The following APAF1 variants were observed in gnomAD, a reference collection of about 807,000 sequenced individuals.
APAF1 encodes the protein apoptotic protease-activating factor 1.
Under a neutral mutation model 152.4 loss-of-function variants are expected in APAF1, and 91 were observed. That is an observed-to-expected ratio of 0.60 (90% CI 0.50 to 0.71). APAF1 has a LOEUF of 0.71. Ranked by LOEUF, APAF1 falls within the 30% of genes least tolerant of loss-of-function variation. The pLI is 0.00. For synonymous variants in APAF1, 484 were observed against 494.1 expected (o/e 0.98, Z 0.27); for missense variants, 1,283 against 1,472.0 (o/e 0.87, Z 2.10).
intron 25 of APAF1, among the ~76,000 whole-genome samples, chr12:98,725,814 A>C (rs1278089513): frequency 6.6e-6 from 1 of 152,240 alleles, no homozygotes; most frequent in African/African-American, 2.4e-5. Flanking sequence ...TAGCTTGAGA[A>C]TGATTCATCT....
chr12:98,698,753 G>C (rs1593082796), intron 16 of APAF1, among the ~76,000 whole-genome samples: 1 of 152,198 alleles, frequency 6.6e-6, no homozygotes, highest in South Asian at 2.1e-4. Context: ...CTGAGACACT[G>C]CTCATGGCCC....
At chr12:98,676,614 T>C (rs2153322166) in intron 12 of APAF1, among the ~76,000 whole-genome samples, 1 of 152,108 alleles carries the variant, frequency 6.6e-6, no homozygotes, top group African/African-American at 2.4e-5. Flanking sequence ...CTTTATCTTT[T>C]TGGTATGTCT....
rs746177196 is a variant in APAF1, at chr12:98,700,993, GT to G, written c.2466+1435del. On this transcript the variant is annotated intron_variant, in intron 17 of 26. Coordinates refer to ENST00000551964, the MANE Select transcript of APAF1 (RefSeq NM_181861.2). The stretch of plus-strand genomic sequence containing the variant: ...TATGTATATATCACATTTTTTCTTT[GT>G]TTTTTTTTTTCTTACAAACCAGTGT... Among the ~76,000 whole-genome samples the G allele has an allele frequency of 3.6e-3, 533 of 146,780 alleles. 3 individuals carry two copies. The highest frequency in any genetic ancestry group is 0.012 in the African/African-American group (467 of 39,722).
chr12:98,681,897 A>G (rs936305339), intron 14 of APAF1, among the ~76,000 whole-genome samples: 13 of 152,240 alleles, frequency 8.5e-5, no homozygotes, highest in African/African-American at 3.1e-4. Flanking sequence ...GTGCTTTGAT[A>G]ACATACAAAG....
intron 20 of APAF1, among the ~76,000 whole-genome samples, chr12:98,709,338 G>A (rs1183038744): frequency 6.6e-6 from 1 of 152,148 alleles, no homozygotes; most frequent in Non-Finnish European, 1.5e-5. Flanking sequence ...CAAAGAGTGG[G>A]ACACGTGAGA....
chr12:98,729,667 G>T (rs186167102), intron 26 of APAF1, among the ~76,000 whole-genome samples: 14 of 152,270 alleles, frequency 9.2e-5, no homozygotes, highest in Non-Finnish European at 2.1e-4. Context: ...TTATGATACT[G>T]TTATTTCTTA....
chr12:98,699,530 T>A lies in APAF1; in HGVS notation c.2427T>A (p.Asp809Glu). ...TGAAGTGTTGTTCGTGGTCTGCTGATGGTGCAAGGATAATGGTGGCAGCAA... is the reference window on the plus strand; with the variant it reads ...TGAAGTGTTGTTCGTGGTCTGCTGAAGGTGCAAGGATAATGGTGGCAGCAA... ...VIVKCCSWSA[D>E]GARIMVAAKN... Residue 809 changes from aspartate to glutamate, a missense_variant, in exon 17 of 27, where the codon GAT (aspartate) becomes GAA (glutamate). Asp to Glu is a conservative substitution (Grantham distance 45). Coordinates refer to ENST00000551964, the MANE Select transcript of APAF1 (RefSeq NM_181861.2). 6.2e-7 allele frequency: 1 copy of A among 1,614,200 alleles called. No individual in the cohort carries two copies. Among genetic ancestry groups the A allele is most frequent in the Non-Finnish European group, 8.5e-7 (1 of 1,180,028 alleles).
chr12:98,648,794 GT>G lies in APAF1; in HGVS notation c.309del (p.Ser104ValfsTer3). ...CTCTTCTTCCAGTGGTAAAGATTCA[GT>G]TAGTGGAATAACTTCGTATGGTTTG... is the stretch of plus-strand genomic sequence containing the variant. ...VVSSSSGKDS[V>X]SGITSYVRTV... On this transcript the variant is annotated frameshift_variant, in exon 3 of 27. Transcript: ENST00000551964. LOFTEE classifies it high-confidence loss of function. The G allele has an allele frequency of 6.2e-7, 1 of 1,613,922 alleles. No homozygotes were observed. Among genetic ancestry groups the G allele is most frequent in the Non-Finnish European group, 8.5e-7 (1 of 1,179,962 alleles).
In APAF1 at chr12:98,645,433, C is replaced by T. The variant is rs192062352; in HGVS notation, c.-444C>T. The T allele has an allele frequency of 2.6e-5, 4 of 152,582 alleles. No homozygotes were observed. The highest frequency in any genetic ancestry group is 1.3e-4 in the Admixed American group (2 of 15,304). 9.5% of individuals were successfully genotyped at this position (152,582 alleles called of 1,614,324 possible). A position where few individuals can be genotyped will look rare whatever the true frequency, so the allele number is the denominator to read the frequency against. ...GCGGCATCCGGAGTAGCGCCGGGCT[C>T]CCTCCGGGGTGCAGCCGCCGTCGGG... On this transcript the variant is annotated 5_prime_UTR_variant, in exon 1 of 27. Transcript: ENST00000551964.
Position 98,734,078 on chromosome 12 carries a change from T to G in APAF1, c.*1512T>G, listed in dbSNP as rs1226412396. The G allele has an allele frequency of 6.6e-6, 1 of 152,242 alleles. No homozygotes were observed. The highest frequency in any genetic ancestry group is 2.4e-5 in the African/African-American group (1 of 41,464). The allele number at this position is 152,242 out of a possible 1,614,324, so 9.4% of individuals were successfully genotyped here. A position where few individuals can be genotyped will look rare whatever the true frequency, so the allele number is the denominator to read the frequency against. On this transcript the variant is annotated 3_prime_UTR_variant, in exon 27 of 27. Transcript: ENST00000551964. ...ACAATTTTCATCTAATTCCATTTACTTTTAGATGAATGGCATTGTGAATGC... is the reference window on the plus strand; with the variant it reads ...ACAATTTTCATCTAATTCCATTTACGTTTAGATGAATGGCATTGTGAATGC...
intron 25 of APAF1, among the ~76,000 whole-genome samples, chr12:98,726,866 T>C (rs2097751344): frequency 6.6e-6 from 1 of 152,212 alleles, no homozygotes; most frequent in Non-Finnish European, 1.5e-5. Context: ...TCTAATGAGT[T>C]TTTCCATTCG....
chr12:98,646,610 A>T (rs2097640852), intron 1 of APAF1, among the ~76,000 whole-genome samples: 1 of 152,134 alleles, frequency 6.6e-6, no homozygotes, highest in Non-Finnish European at 1.5e-5. Flanking sequence ...CAAATGACTC[A>T]ATCTTTTCTG....
rs1202548008 is a variant in APAF1, at chr12:98,677,521, A to G, written c.1890A>G (p.Ile630Met). Residue 630 changes from isoleucine (I) to methionine (M), a missense_variant, in exon 13 of 27, where the codon ATA becomes ATG. Physicochemically the swap from Ile to Met is conservative, Grantham distance 10. Transcript: ENST00000551964. ...GCTTTTCTGAGGATGGTCAGAGAAT[A>G]GCTTCTTGTGGAGCTGATAAAACCT... ...HACFSEDGQR[I>M]ASCGADKTLQ... 1 of 1,614,198 alleles carries G rather than the reference A, an allele frequency of 6.2e-7. No homozygotes were observed. Among genetic ancestry groups the G allele is most frequent in the Admixed American group, 1.7e-5 (1 of 60,018 alleles).
chr12:98,661,102 C>T (rs956122331), intron 5 of APAF1, among the ~76,000 whole-genome samples: 5 of 152,242 alleles, frequency 3.3e-5, no homozygotes, highest in South Asian at 2.1e-4. Context: ...GAGGTTTCAC[C>T]GTGTTAACCA....
At chr12:98,710,765 G>A (rs1356656078) in intron 20 of APAF1, among the ~76,000 whole-genome samples, 2 of 152,220 alleles carry the variant, frequency 1.3e-5, no homozygotes, top group Non-Finnish European at 2.9e-5. Flanking sequence ...TCAGCTTGGT[G>A]TAGTGGAGAG....
At chr12:98,660,659 G>C (rs1264686962) in intron 5 of APAF1, among the ~76,000 whole-genome samples, 2 of 152,132 alleles carry the variant, frequency 1.3e-5, no homozygotes, top group East Asian at 3.8e-4. Context: ...TCTTTCATTT[G>C]TTCATTTAAC....
chr12:98,702,328 G>A lies in APAF1; in HGVS notation c.2467-1043G>A, dbSNP rs190448001. ...GATCCACCTGCCTTGGCCTCGCAAAGTGCTGGGATTACAGGCGTGAGCCAC... is the reference window on the plus strand; with the variant it reads ...GATCCACCTGCCTTGGCCTCGCAAAATGCTGGGATTACAGGCGTGAGCCAC... On this transcript the variant is annotated intron_variant, in intron 17 of 26. Coordinates refer to ENST00000551964, the MANE Select transcript of APAF1 (RefSeq NM_181861.2). 1.8e-3 allele frequency among the ~76,000 whole-genome samples: 278 copies of A among 152,140 alleles called. 1 individual carries two copies. The highest frequency in any genetic ancestry group is 6.4e-3 in the African/African-American group (267 of 41,524).
chr12:98,727,214 T>C lies in APAF1; in HGVS notation c.3498T>C (p.Ala1166=), dbSNP rs1455883514. The C allele has an allele frequency of 1.2e-6, 2 of 1,614,032 alleles. No individual in the cohort carries two copies. Among genetic ancestry groups the C allele is most frequent in the Non-Finnish European group, 1.7e-6 (2 of 1,180,012 alleles). Residue 1166 remains alanine (A), a synonymous_variant, in exon 26 of 27, where the codon GCT becomes GCC. Transcript: ENST00000551964. ...VSNGELLHLC[A]PLSEEGAATH... ...ACGGTGAGCTTCTTCATTTGTGTGCTCCGCTTTCAGAAGAAGGAGCTGCTA... is the reference window on the plus strand; with the variant it reads ...ACGGTGAGCTTCTTCATTTGTGTGCCCCGCTTTCAGAAGAAGGAGCTGCTA...
Position 98,645,667 on chromosome 12 carries a change from T to G in APAF1, c.-210T>G, listed in dbSNP as rs1285735255. The G allele has an allele frequency of 6.6e-6, 1 of 152,208 alleles. No homozygotes were observed. The highest frequency in any genetic ancestry group is 2.4e-5 in the African/African-American group (1 of 41,438). 9.4% of individuals were successfully genotyped at this position (152,208 alleles called of 1,614,324 possible). On this transcript the variant is annotated 5_prime_UTR_variant, in exon 1 of 27. Coordinates refer to ENST00000551964, the MANE Select transcript of APAF1 (RefSeq NM_181861.2). The stretch of plus-strand genomic sequence containing the variant: ...TGCAGAGATCCAGGGGAGGCGCCTG[T>G]GAGGCCCGGACCTGCCCCGGGGCGA...
Sources: gnomAD v4.1 joint callset for allele counts (sites outside exome capture counted in the v4.1 genomes callset) on GRCh38, gnomAD v4.1.1 for gene constraint, MANE v1.5 for transcripts, NCBI Gene and HGNC (gene_info 2026-07-23, HGNC 2026-07-21) for gene names.